Variants in MED13 observed in about 807,000 individuals in gnomAD.
The protein encoded by MED13 is mediator of RNA polymerase II transcription subunit 13.
In MED13, 23 loss-of-function variants were observed where a neutral mutation model predicts 225.2. The observed-to-expected ratio is 0.10, with a 90% confidence interval of 0.07 to 0.14. MED13 has a LOEUF of 0.14. Ranked by LOEUF, MED13 falls within the 10% of genes least tolerant of loss-of-function variation. MED13 has a pLI of 1.00. For synonymous variants in MED13, 942 were observed against 889.2 expected, an observed-to-expected ratio of 1.06 and a Z score of -1.06; for missense variants, 2,197 against 2,594.5, an observed-to-expected ratio of 0.85 and a Z score of 3.33.
intron 27 of MED13, 21 bp downstream of exon 27, chr17:61,952,944 T>G (rs2143296598): frequency 6.2e-7 from 1 of 1,605,850 alleles, no homozygotes; most frequent in Non-Finnish European, 8.5e-7. Context: ...CGAGAAAAAC[T>G]AAAACTTGTA....
intron 8 of MED13, among the ~76,000 whole-genome samples, chr17:62,026,178 T>TAA (rs1291976257): frequency 6.6e-6 from 1 of 152,146 alleles, no homozygotes; most frequent in African/African-American, 2.4e-5. Context: ...CAGGATAAAA[T>TAA]AATAAACTCT....
intron 8 of MED13, among the ~76,000 whole-genome samples, chr17:62,015,802 A>G (rs995908670): frequency 7.7e-6 from 1 of 129,566 alleles, no homozygotes. Flanking sequence ...CACACTATAT[A>G]TATCTATATA....
intron 16 of MED13, among the ~76,000 whole-genome samples, chr17:61,981,509 C>T (rs1261880377): frequency 6.6e-6 from 1 of 151,762 alleles, no homozygotes; most frequent in Non-Finnish European, 1.5e-5. Context: ...TCACACAAAG[C>T]ATTCCAGCAG....
At chr17:62,054,256 G>A (rs553701195) in intron 2 of MED13, among the ~76,000 whole-genome samples, 4 of 151,888 alleles carry the variant, frequency 2.6e-5, no homozygotes, top group South Asian at 4.1e-4. Context: ...AGCCAAGATC[G>A]TGCCACTGCA....
chr17:62,031,830 A>G (rs1391331850), intron 5 of MED13, among the ~76,000 whole-genome samples, 192 bp from the exon 6 acceptor site: 1 of 151,870 alleles, frequency 6.6e-6, no homozygotes, highest in African/African-American at 2.4e-5. Flanking sequence ...AAGAAACCAC[A>G]ATAAACCACA....
intron 28 of MED13, among the ~76,000 whole-genome samples, chr17:61,947,823 A>G (rs2079863596): frequency 6.6e-6 from 1 of 152,180 alleles, no homozygotes; most frequent in African/African-American, 2.4e-5. Flanking sequence ...TTTTTTTATA[A>G]GTCAATATAG....
chr17:61,966,815 A>G (rs887128314), intron 18 of MED13, among the ~76,000 whole-genome samples, 164 bp from the exon 19 acceptor site: 1 of 152,186 alleles, frequency 6.6e-6, no homozygotes, highest in Non-Finnish European at 1.5e-5. Context: ...CCAAAAAAAT[A>G]AACATATCAA....
Position 61,966,667 on chromosome 17 carries a change from C to T in MED13, c.4192-16G>A, listed in dbSNP as rs767033094. On this transcript the variant is annotated splice_polypyrimidine_tract_variant and intron_variant, in intron 18 of 29. Coordinates refer to ENST00000397786, the MANE Select transcript of MED13 (RefSeq NM_005121.3). ...ATCGACAGGACTACAAATATACATA[C>T]AGAAAGCAGAATTAGTAAATTTATT... 6 of 1,513,628 alleles carry T rather than the reference C, an allele frequency of 4.0e-6. No homozygotes were observed. The highest frequency in any genetic ancestry group is 5.3e-6 in the Non-Finnish European group (6 of 1,125,620). 93.8% of individuals were successfully genotyped at this position (1,513,628 alleles called of 1,614,324 possible). A position where few individuals can be genotyped will look rare whatever the true frequency, so the allele number is the denominator to read the frequency against.
At chr17:62,035,793 C>A (rs893151706) in intron 3 of MED13, among the ~76,000 whole-genome samples, 185 bp from the exon 4 acceptor site, 1 of 152,082 alleles carries the variant, frequency 6.6e-6, no homozygotes, top group African/African-American at 2.4e-5. Flanking sequence ...CTTTACAACA[C>A]TGTTTATAGT....
At chr17:62,017,725 T>C (rs2080596607) in intron 8 of MED13, among the ~76,000 whole-genome samples, 1 of 152,222 alleles carries the variant, frequency 6.6e-6, no homozygotes. Context: ...TGTTGTTTTT[T>C]ATGATAGTAT....
At chr17:61,958,156 G>A (rs2079965486) in intron 23 of MED13, among the ~76,000 whole-genome samples, 2 of 151,732 alleles carry the variant, frequency 1.3e-5, no homozygotes, top group Non-Finnish European at 1.5e-5. Flanking sequence ...GAGCCACCGC[G>A]CCCAGCTGGC....
In MED13 at chr17:61,987,067, G is replaced by A. The variant is rs2080253710; in HGVS notation, c.2325C>T (p.Asp775=). The change falls in exon 12 of 30, where the codon GAC becomes GAT. Residue 775 remains aspartate, a synonymous_variant. Coordinates refer to ENST00000397786, the MANE Select transcript of MED13 (RefSeq NM_005121.3). ...PPSTSLIYDS[D]LAVSYTDLDN... ...CAAGGTCAGTATAAGAGACAGCCAG[G>A]TCTGAGTCATAAATCAAACTTGTTG... is the stretch of plus-strand genomic sequence containing the variant. 1 of 1,606,980 alleles carries A rather than the reference G, an allele frequency of 6.2e-7. No homozygotes were observed. The highest frequency in any genetic ancestry group is 8.5e-7 in the Non-Finnish European group (1 of 1,175,458).
chr17:61,984,703 A>T lies in MED13; in HGVS notation c.2639T>A (p.Phe880Tyr). 4 of 1,613,886 alleles carry T rather than the reference A, an allele frequency of 2.5e-6. No homozygotes were observed. Among genetic ancestry groups the T allele is most frequent in the Non-Finnish European group, 3.4e-6 (4 of 1,179,894 alleles). Residue 880 changes from phenylalanine to tyrosine, a missense_variant, in exon 14 of 30, where the codon TTC becomes TAC. By Grantham distance (22) the Phe-to-Tyr change is conservative (BLOSUM62 3). Transcript: ENST00000397786. ...EGNSSSIGAQ[F>Y]KIEVDEGFCS... is the part of the protein sequence containing the mutation. ...GAATCCCTCATCAACCTCAATTTTG[A>T]ACTGCGCTCCTATACTAGAACTATT... is the stretch of plus-strand genomic sequence containing the variant.
In MED13 at chr17:62,061,039, T is replaced by C. The variant is rs564776572; in HGVS notation, c.301+2028A>G. Among the ~76,000 whole-genome samples the C allele has an allele frequency of 8.5e-5, 13 of 152,294 alleles. No individual in the cohort carries two copies. In the South Asian group the frequency reaches 2.5e-3, roughly 29 times the overall value. On this transcript the variant is annotated intron_variant, in intron 2 of 29. Coordinates refer to ENST00000397786, the MANE Select transcript of MED13 (RefSeq NM_005121.3). ...TAAAGGTACAAGTAACTACCATTTT[T>C]GAAAATTACGCTAAAAATCAAAGCT...
In MED13 at chr17:61,984,785, T is replaced by C; in HGVS notation, c.2557A>G (p.Asn853Asp). The C allele has an allele frequency of 6.2e-7, 1 of 1,613,560 alleles. No homozygotes were observed. Among genetic ancestry groups the C allele is most frequent in the Non-Finnish European group, 8.5e-7 (1 of 1,179,526 alleles). ...HIMGFSPMNM[N>D]NKEYGSMDTT... is the part of the protein sequence containing the mutation. ...TCCATACTACCATATTCTTTATTAT[T>C]CATATTCATTGGGGAAAATCCCATA... The change falls in exon 14 of 30, where the codon AAT becomes GAT. Residue 853 changes from asparagine to aspartate, a missense_variant. Asn to Asp is a conservative substitution (Grantham distance 23). Coordinates refer to ENST00000397786, the MANE Select transcript of MED13 (RefSeq NM_005121.3).
chr17:62,061,334 C>T (rs1346874861), intron 2 of MED13, among the ~76,000 whole-genome samples: 1 of 151,142 alleles, frequency 6.6e-6, no homozygotes, highest in African/African-American at 2.4e-5. Context: ...GCCTGGTCAA[C>T]ACAGCAAGAC....
At chr17:62,001,075 A>G (rs2080390636) in intron 9 of MED13, among the ~76,000 whole-genome samples, 1 of 152,120 alleles carries the variant, frequency 6.6e-6, no homozygotes, top group South Asian at 2.1e-4. Context: ...GTATTTCAAT[A>G]GTTATTCCAA....
At chr17:62,046,496 G>A (rs781122938) in intron 3 of MED13, among the ~76,000 whole-genome samples, 31 of 152,154 alleles carry the variant, frequency 2.0e-4, no homozygotes, top group Non-Finnish European at 4.0e-4. Flanking sequence ...TCAATTACAT[G>A]GTTAAATAAC....
intron 9 of MED13, among the ~76,000 whole-genome samples, chr17:62,007,729 C>T (rs189086814): frequency 0.01 from 1,541 of 151,800 alleles, 14 homozygotes; most frequent in South Asian, 0.026. Flanking sequence ...GCGCCTGTAG[C>T]CCCAGCTACT....
Sources: allele counts gnomAD v4.1 joint callset (sites outside exome capture counted in the v4.1 genomes callset), GRCh38; gene constraint gnomAD v4.1.1; transcripts MANE v1.5; gene names NCBI Gene and HGNC (gene_info 2026-07-23, HGNC 2026-07-21).